The following DLGAP1 variants were observed in gnomAD, a reference collection of about 807,000 sequenced individuals.
The protein encoded by DLGAP1 is DLG associated protein 1, also known as disks large-associated protein 1.
A neutral mutation model predicts 90.8 loss-of-function variants in DLGAP1; 11 were observed. That is an observed-to-expected ratio of 0.12 (90% confidence interval 0.08 to 0.20). The LOEUF is 0.20. Ranked by LOEUF, DLGAP1 falls within the 10% of genes least tolerant of loss-of-function variation. The probability of loss-of-function intolerance (pLI) is 1.00; values close to 1 mark genes in which losing one functional copy is unlikely to be tolerated. For synonymous variants in DLGAP1, 558 were observed against 540.7 expected, an observed-to-expected ratio of 1.03 and a Z score of -0.44; for missense variants, 1,050 against 1,333.8, an observed-to-expected ratio of 0.79 and a Z score of 3.31.
chr18:4,045,432 CAAAAAAAAAAAA>C (rs763466156), intron 2 of DLGAP1, among the ~76,000 whole-genome samples: 32 of 29,194 alleles, frequency 1.1e-3, no homozygotes, highest in African/African-American at 2.8e-3. Flanking sequence ...CCCATCTCTA[CAAAAAAAAAAAA>C]AAAAAAAAAA....
intron 7 of DLGAP1, among the ~76,000 whole-genome samples, chr18:3,643,527 G>C (rs987187186): frequency 1.3e-5 from 2 of 152,012 alleles, no homozygotes; most frequent in Non-Finnish European, 2.9e-5. Context: ...GCCGGGCGTG[G>C]TGGCAGGCGC....
At chr18:4,369,874 A>C (rs34121162) in intron 1 of DLGAP1, among the ~76,000 whole-genome samples, 19,931 of 150,844 alleles carry the variant, frequency 0.13, 1,583 homozygotes, top group African/African-American at 0.22. Context: ...GGTGATGAAA[A>C]TAAAGCACAT....
intron 4 of DLGAP1, among the ~76,000 whole-genome samples, chr18:3,877,621 T>C (rs1203832804): frequency 6.6e-6 from 1 of 151,904 alleles, no homozygotes; most frequent in East Asian, 1.9e-4. Context: ...CTTTATGTTC[T>C]TAAAGAGTTT....
intron 7 of DLGAP1, among the ~76,000 whole-genome samples, chr18:3,636,560 C>A (rs1284107348): frequency 1.3e-5 from 2 of 149,644 alleles, no homozygotes; most frequent in African/African-American, 4.9e-5. Context: ...TACAGACGCA[C>A]GCCACAATGC....
intron 9 of DLGAP1, among the ~76,000 whole-genome samples, chr18:3,541,750 A>G (rs1349022340): frequency 6.6e-6 from 1 of 152,200 alleles, no homozygotes; most frequent in Non-Finnish European, 1.5e-5. Context: ...AGTAGCTGAC[A>G]TTGTGCTATA....
At chr18:3,845,471 G>T in intron 4 of DLGAP1, 1 of 1,317,598 alleles carries the variant, frequency 7.6e-7, no homozygotes, top group Non-Finnish European at 9.7e-7. Context: ...GATACTTAAT[G>T]AAATAAAACC....
chr18:3,709,743 C>A (rs1396826089), intron 7 of DLGAP1, among the ~76,000 whole-genome samples: 1 of 152,172 alleles, frequency 6.6e-6, no homozygotes, highest in Non-Finnish European at 1.5e-5. Flanking sequence ...CCCAGCCCTG[C>A]ACCCGGGGTT....
At chr18:4,068,832 C>T (rs567549207) in intron 2 of DLGAP1, among the ~76,000 whole-genome samples, 1 of 152,228 alleles carries the variant, frequency 6.6e-6, no homozygotes, top group South Asian at 2.1e-4. Flanking sequence ...ACATCCAATC[C>T]GATGTCCACG....
intron 3 of DLGAP1, among the ~76,000 whole-genome samples, chr18:3,939,170 C>T (rs1428179875): frequency 1.3e-5 from 1 of 78,124 alleles, no homozygotes; most frequent in Non-Finnish European, 2.6e-5. Context: ...TGCCTGCAAT[C>T]CCAGCACTTT....
chr18:4,279,670 T>C (rs2079504468), intron 1 of DLGAP1, among the ~76,000 whole-genome samples: 1 of 152,224 alleles, frequency 6.6e-6, no homozygotes, highest in South Asian at 2.1e-4. Flanking sequence ...AAGATAACTC[T>C]AAATAATTTG....
chr18:3,554,671 T>C (rs1259199427), intron 9 of DLGAP1, among the ~76,000 whole-genome samples: 2 of 152,240 alleles, frequency 1.3e-5, no homozygotes, highest in South Asian at 4.1e-4. Flanking sequence ...TTGAAGCAGA[T>C]AGGGCTACCT....
intron 2 of DLGAP1, among the ~76,000 whole-genome samples, chr18:4,024,767 G>A (rs1400015011): frequency 2.0e-5 from 3 of 152,112 alleles, no homozygotes; most frequent in Non-Finnish European, 4.4e-5. Flanking sequence ...TAATCAAAGG[G>A]CACACTGGCC....
At chr18:4,218,853 A>ACC (rs1555765849) in intron 1 of DLGAP1, among the ~76,000 whole-genome samples, 1 of 150,298 alleles carries the variant, frequency 6.7e-6, no homozygotes, top group Non-Finnish European at 1.5e-5. Context: ...ACACACACAC[A>ACC]ATTTTCTTTA....
intron 1 of DLGAP1, among the ~76,000 whole-genome samples, chr18:4,445,741 A>G (rs565747830): frequency 3.4e-4 from 52 of 152,212 alleles, no homozygotes; most frequent in African/African-American, 1.1e-3. Context: ...ATATTCACAT[A>G]AAATGTTAAA....
At chr18:3,534,161 G>A (rs780069849) in intron 10 of DLGAP1, 33 bp downstream of exon 10, 25 of 1,587,696 alleles carry the variant, frequency 1.6e-5, no homozygotes, top group Middle Eastern at 1.7e-4. Flanking sequence ...CCAGCCCCAG[G>A]GGACGGGTGT....
chr18:3,543,998 C>G (rs1370782257), intron 9 of DLGAP1, among the ~76,000 whole-genome samples: 1 of 152,004 alleles, frequency 6.6e-6, no homozygotes, highest in Non-Finnish European at 1.5e-5. Context: ...AACAAACAAA[C>G]AAACAAACAA....
At chr18:3,600,350 G>A (rs1244061178) in intron 7 of DLGAP1, among the ~76,000 whole-genome samples, 5 of 151,804 alleles carry the variant, frequency 3.3e-5, no homozygotes, top group Admixed American at 6.6e-5. Flanking sequence ...CCACCTCCCC[G>A]GTTCAAGCAA....
intron 4 of DLGAP1, among the ~76,000 whole-genome samples, chr18:3,837,042 C>G (rs1467054126): frequency 6.6e-6 from 1 of 152,198 alleles, no homozygotes; most frequent in African/African-American, 2.4e-5. Flanking sequence ...GATTTAGCCT[C>G]TCATTAGATC....
intron 7 of DLGAP1, among the ~76,000 whole-genome samples, chr18:3,680,769 A>G (rs2060486728): frequency 6.8e-6 from 1 of 146,528 alleles, no homozygotes; most frequent in Admixed American, 6.9e-5. Flanking sequence ...AGCCTGGAAG[A>G]CAGAGCGAGA....
Sources: allele counts gnomAD v4.1 joint callset (sites outside exome capture counted in the v4.1 genomes callset), GRCh38; gene constraint gnomAD v4.1.1; transcripts MANE v1.5; gene names NCBI Gene and HGNC (gene_info 2026-07-23, HGNC 2026-07-21).